SF3B1: variants seen among roughly 807,000 people sequenced by gnomAD.
SF3B1 encodes the protein pre-mRNA processing 10.
SF3B1 carries 12 observed loss-of-function variants against 153.8 expected under a neutral mutation model. The ratio of observed to expected loss-of-function variants is 0.08; its 90% CI spans 0.05 to 0.13. The LOEUF is 0.13. Ranked by LOEUF, SF3B1 falls within the 10% of genes least tolerant of loss-of-function variation. The pLI is 1.00. For synonymous variants in SF3B1, 498 were observed against 525.2 expected (o/e 0.95, Z 0.71); for missense variants, 513 against 1,606.1 (o/e 0.32, Z 11.63).
rs1460056529 is a variant in SF3B1, at chr2:197,400,808, A to G, written c.2625T>C (p.Ile875=). The stretch of plus-strand genomic sequence containing the variant: ...TATCTGCTGCTCCCAAATTACCCAT[A>G]ATTTTCTCAATTGTCTCCATCACCA... ...RKMVMETIEK[I]MGNLGAADID... is the part of the protein sequence containing the mutation. The change falls in exon 18 of 25, where the codon ATT becomes ATC. Residue 875 remains isoleucine (I), a synonymous_variant. Transcript: ENST00000335508. The surrounding 1 kb of genome is among the most constrained non-coding windows in gnomAD (Gnocchi z 5.0). 6.2e-7 allele frequency: 1 copy of G among 1,612,946 alleles called. No homozygotes were observed. Among genetic ancestry groups the G allele is most frequent in the East Asian group, 2.2e-5 (1 of 44,828 alleles).
chr2:197,410,215 G>A (rs569899345), intron 6 of SF3B1, among the ~76,000 whole-genome samples: 4 of 152,152 alleles, frequency 2.6e-5, no homozygotes, highest in East Asian at 1.9e-4. Flanking sequence ...GTTTCAATCC[G>A]AAGCACTGAC....
intron 4 of SF3B1, 64 bp downstream of exon 4, chr2:197,420,364 G>A: frequency 8.1e-7 from 1 of 1,241,762 alleles, no homozygotes; most frequent in Non-Finnish European, 1.2e-6. Flanking sequence ...AAAAATCAAA[G>A]GGCTAAAGAC....
At position 197,392,288 on chromosome 2, in the gene SF3B1, A is replaced by G; in HGVS notation, c.*15T>C. ...GTGAAGTAGCTGTGCATTAAACACA[A>G]AATAAACAATAAAATTATAAGATAT... On this transcript the variant is annotated 3_prime_UTR_variant, in exon 25 of 25. Coordinates refer to ENST00000335508, the MANE Select transcript of SF3B1 (RefSeq NM_012433.4). The G allele has an allele frequency of 9.5e-7, 1 of 1,053,208 alleles. No individual in the cohort carries two copies. Among genetic ancestry groups the G allele is most frequent in the Non-Finnish European group, 1.5e-6 (1 of 683,414 alleles). 65.2% of individuals were successfully genotyped at this position (1,053,208 alleles called of 1,614,324 possible).
intron 6 of SF3B1, 107 bp from the exon 7 acceptor site, chr2:197,410,114 ATAAT>A (rs2085046214): frequency 1.5e-6 from 1 of 681,958 alleles, no homozygotes; most frequent in Admixed American, 2.9e-5. Context: ...TCTATGCACT[ATAAT>A]TAATGAAAAG....
In SF3B1 at chr2:197,401,459, G is replaced by A; in HGVS notation, c.2437C>T (p.Pro813Ser). The change falls in exon 17 of 25, where the codon CCC (proline) becomes TCC (serine). Residue 813 changes from proline to serine, a missense_variant. Physicochemically the swap from Pro to Ser is moderately conservative, Grantham distance 74 (BLOSUM62 -1). Around this residue, in one of 21 missense-constraint regions of SF3B1, gnomAD observed 50 missense variants for 236.5 expected, o/e 0.21. Coordinates refer to ENST00000335508, the MANE Select transcript of SF3B1 (RefSeq NM_012433.4). The surrounding 1 kb of genome is among the most constrained non-coding windows in gnomAD (Gnocchi z 4.2). ...TGCTGCCAGAAGTGTTTAAAAAAGG[G>A]AGGAAGAATCTCTGTTTTAATGTAG... ...ANYIKTEILPPFFKHFWQHRM... is the reference protein window; with the variant it reads ...ANYIKTEILPSFFKHFWQHRM... The A allele has an allele frequency of 6.2e-7, 1 of 1,612,468 alleles. No homozygotes were observed. The highest frequency in any genetic ancestry group is 2.2e-5 in the East Asian group (1 of 44,792).
At chr2:197,392,577 G>GGGT (rs1553563331) in intron 24 of SF3B1, 116 bp from the exon 25 acceptor site, 2 of 318,980 alleles carry the variant, frequency 6.3e-6, no homozygotes, top group African/African-American at 2.4e-5. Context: ...AGTTGGGGGG[G>GGGT]GGGGAACCTA....
Position 197,401,303 on chromosome 2 carries a change from TAATC to T in SF3B1, c.2496+93_2496+96del. 2 of 1,114,498 alleles carry T rather than the reference TAATC, an allele frequency of 1.8e-6. No homozygotes were observed. Among genetic ancestry groups the T allele is most frequent in the Non-Finnish European group, 1.3e-6 (1 of 770,998 alleles). The allele number at this position is 1,114,498 out of a possible 1,614,324, so 69.0% of individuals were successfully genotyped here. A position where few individuals can be genotyped will look rare whatever the true frequency, so the allele number is the denominator to read the frequency against. ...AATCAAGCACATATAAACTGTGAGA[TAATC>T]AAGGCAAAAAATAATATACAACATG... On this transcript the variant is annotated intron_variant, in intron 17 of 24. Transcript: ENST00000335508. The surrounding 1 kb of genome is among the most constrained non-coding windows in gnomAD (Gnocchi z 4.2).
intron 5 of SF3B1, 68 bp downstream of exon 5, chr2:197,418,441 C>T: frequency 1.7e-6 from 2 of 1,172,828 alleles, no homozygotes; most frequent in Non-Finnish European, 2.4e-6. Context: ...AGAAACCTAA[C>T]AGTCTCTCAA....
chr2:197,421,912 C>T (rs967371256), intron 2 of SF3B1, among the ~76,000 whole-genome samples: 1 of 151,924 alleles, frequency 6.6e-6, no homozygotes, highest in Non-Finnish European at 1.5e-5. Flanking sequence ...TCTCGGGAGG[C>T]GAAGGCTATA....
At chr2:197,426,242 T>C (rs1384377209) in intron 1 of SF3B1, among the ~76,000 whole-genome samples, 1 of 151,858 alleles carries the variant, frequency 6.6e-6, no homozygotes, top group East Asian at 1.9e-4. Context: ...TAGTTTCATA[T>C]TTTGAAAAAT....
chr2:197,390,934 G>T lies in SF3B1; in HGVS notation c.*1369C>A, dbSNP rs1042601905. On this transcript the variant is annotated 3_prime_UTR_variant, in exon 25 of 25. Transcript: ENST00000335508. ...TTTCTTAACTAAGCTTCTGAAGCAGGAACTCCTAAAGTGTCAATAGGCAGT... is the reference window on the plus strand; with the variant it reads ...TTTCTTAACTAAGCTTCTGAAGCAGTAACTCCTAAAGTGTCAATAGGCAGT... 2 of 152,134 alleles carry T rather than the reference G, an allele frequency of 1.3e-5. No homozygotes were observed. The highest frequency in any genetic ancestry group is 2.9e-5 in the Non-Finnish European group (2 of 68,044). 9.4% of individuals were successfully genotyped at this position (152,134 alleles called of 1,614,324 possible).
At chr2:197,429,808 C>T (rs1042333075) in intron 1 of SF3B1, among the ~76,000 whole-genome samples, 1 of 151,972 alleles carries the variant, frequency 6.6e-6, no homozygotes, top group Non-Finnish European at 1.5e-5. Flanking sequence ...AAATTTCCTT[C>T]CCATGACTAG....
rs1358419729 is a variant in SF3B1, at chr2:197,392,180, T to G, written c.*123A>C. On this transcript the variant is annotated 3_prime_UTR_variant, in exon 25 of 25. Coordinates refer to ENST00000335508, the MANE Select transcript of SF3B1 (RefSeq NM_012433.4). Reference sequence around the variant, plus strand: ...TATTTAAAAATCATGCTACTGGATTTCTAGCTCTTCCTCTATGACCAGTTC... The same window carrying G: ...TATTTAAAAATCATGCTACTGGATTGCTAGCTCTTCCTCTATGACCAGTTC... 2.1e-6 allele frequency: 1 copy of G among 476,556 alleles called. No individual in the cohort carries two copies. The highest frequency in any genetic ancestry group is 3.7e-6 in the Non-Finnish European group (1 of 267,070). 29.5% of individuals were successfully genotyped at this position (476,556 alleles called of 1,614,324 possible).
chr2:197,409,872 G>A lies in SF3B1; in HGVS notation c.802C>T (p.Pro268Ser). The change falls in exon 7 of 25, where the codon CCT becomes TCT. Residue 268 changes from proline (P) to serine (S), a missense_variant. Physicochemically the swap from Pro to Ser is moderately conservative, Grantham distance 74. Coordinates refer to ENST00000335508, the MANE Select transcript of SF3B1 (RefSeq NM_012433.4). The stretch of plus-strand genomic sequence containing the variant: ...TGGCCTGGTGTATCACCTCGTCCAG[G>A]AGTAGCAGCTCCCGCTGGTGTGTGG... The part of the protein sequence containing the change: ...PSHTPAGAAT[P>S]GRGDTPGHAT... 2 of 1,614,186 alleles carry A rather than the reference G, an allele frequency of 1.2e-6. No homozygotes were observed. The highest frequency in any genetic ancestry group is 1.7e-6 in the Non-Finnish European group (2 of 1,180,026).
intron 1 of SF3B1, among the ~76,000 whole-genome samples, chr2:197,428,854 C>T (rs2085377891): frequency 6.6e-6 from 1 of 152,074 alleles, no homozygotes; most frequent in African/African-American, 2.4e-5. Context: ...GAGATCACAG[C>T]ACTGCACTCT....
At chr2:197,412,345 T>TATTA (rs2085081992) in intron 6 of SF3B1, among the ~76,000 whole-genome samples, 1 of 99,218 alleles carries the variant, frequency 1.0e-5, no homozygotes, top group Non-Finnish European at 2.4e-5. Context: ...TGATTTAATT[T>TATTA]ATTTATTTAT....
At chr2:197,420,114 G>A (rs905917534) in intron 4 of SF3B1, 2 of 300,968 alleles carry the variant, frequency 6.6e-6, no homozygotes, top group Non-Finnish European at 1.2e-5. Flanking sequence ...AAAGTATTTT[G>A]AGCAGAAAAA....
chr2:197,396,980 T>C (rs893397032), intron 22 of SF3B1, among the ~76,000 whole-genome samples: 4 of 152,218 alleles, frequency 2.6e-5, no homozygotes, highest in African/African-American at 9.6e-5. Flanking sequence ...TCTACCTAAT[T>C]AATCAGACAT....
chr2:197,411,252 A>G (rs12616377), intron 6 of SF3B1, among the ~76,000 whole-genome samples: 26 of 152,242 alleles, frequency 1.7e-4, no homozygotes, highest in Non-Finnish European at 3.4e-4. Context: ...AAGAATCTCC[A>G]CCAATAAAGA....
Sources: allele counts gnomAD v4.1 joint callset (sites outside exome capture counted in the v4.1 genomes callset), GRCh38; gene constraint gnomAD v4.1.1; regional missense constraint gnomAD v4.1.1; non-coding constraint Gnocchi (gnomAD v3.1); transcripts MANE v1.5; gene names NCBI Gene and HGNC (gene_info 2026-07-23, HGNC 2026-07-21).